The following ERLIN1 variants were observed in gnomAD, a reference collection of about 807,000 sequenced individuals.
The protein encoded by ERLIN1 is erlin-1.
A neutral mutation model predicts 46.9 loss-of-function variants in ERLIN1; 24 were observed. That is an observed-to-expected ratio of 0.51 (90% CI 0.37 to 0.72). The LOEUF is 0.72. Among genes scored for constraint, ERLIN1 ranks in the 30% least tolerant of loss-of-function variants. ERLIN1 has a pLI of 0.00. For synonymous variants in ERLIN1, 158 were observed against 143.2 expected (o/e 1.10, Z -0.74); for missense variants, 293 against 417.9 (o/e 0.70, Z 2.61).
chr10:100,169,957 G>T (rs985637034), intron 6 of ERLIN1, among the ~76,000 whole-genome samples: 3 of 152,164 alleles, frequency 2.0e-5, no homozygotes, highest in African/African-American at 7.2e-5. Context: ...GTTCAAGGCT[G>T]CAGTGACCTA....
intron 8 of ERLIN1, among the ~76,000 whole-genome samples, chr10:100,160,597 A>G (rs1335470634): frequency 6.6e-6 from 1 of 152,208 alleles, no homozygotes; most frequent in African/African-American, 2.4e-5. Flanking sequence ...ACAAAGATAA[A>G]TCTGTTAATA....
intron 10 of ERLIN1, 68 bp from the exon 11 acceptor site, chr10:100,152,420 A>G (rs879023911): frequency 3.3e-6 from 3 of 903,404 alleles, no homozygotes; most frequent in South Asian, 2.6e-5. Flanking sequence ...CTCTCCCTAT[A>G]TACATTTCAC....
chr10:100,181,955 G>A (rs1844676404), intron 2 of ERLIN1, among the ~76,000 whole-genome samples: 1 of 152,076 alleles, frequency 6.6e-6, no homozygotes, highest in Non-Finnish European at 1.5e-5. Flanking sequence ...AAGTATTTTA[G>A]TTTACACTGA....
intron 5 of ERLIN1, among the ~76,000 whole-genome samples, chr10:100,175,414 A>G (rs775068790): frequency 6.6e-6 from 1 of 152,182 alleles, no homozygotes; most frequent in South Asian, 2.1e-4. Flanking sequence ...TGAGTCTCCA[A>G]TGAGCTTCCC....
At chr10:100,179,826 T>C (rs1281357212) in intron 2 of ERLIN1, among the ~76,000 whole-genome samples, 1 of 152,178 alleles carries the variant, frequency 6.6e-6, no homozygotes, top group Non-Finnish European at 1.5e-5. Context: ...AGTAGAAAAC[T>C]CTTCCAGAGT....
chr10:100,185,866 C>T lies in ERLIN1; in HGVS notation c.-240G>A. 1.8e-6 allele frequency: 1 copy of T among 562,912 alleles called. No homozygotes were observed. The highest frequency in any genetic ancestry group is 3.2e-6 in the Non-Finnish European group (1 of 315,690). The allele number at this position is 562,912 out of a possible 1,614,324, so 34.9% of individuals were successfully genotyped here. On this transcript the variant is annotated 5_prime_UTR_variant, in exon 1 of 11. Transcript: ENST00000421367. ...CTGCTCGGTGAGCTTCCTGAAACTCCCTCTCCCAAGGGTCGCTCCCGGGTG... is the reference window on the plus strand; with the variant it reads ...CTGCTCGGTGAGCTTCCTGAAACTCTCTCTCCCAAGGGTCGCTCCCGGGTG...
intron 10 of ERLIN1, among the ~76,000 whole-genome samples, chr10:100,153,905 AT>A (rs1842933014): frequency 6.6e-6 from 1 of 152,088 alleles, no homozygotes; most frequent in Non-Finnish European, 1.5e-5. Context: ...TGTTATGTTC[AT>A]TTTAAAATTT....
chr10:100,152,288 A>G lies in ERLIN1; in HGVS notation c.890T>C (p.Ile297Thr). The G allele has an allele frequency of 6.2e-7, 1 of 1,613,688 alleles. No homozygotes were observed. The highest frequency in any genetic ancestry group is 8.5e-7 in the Non-Finnish European group (1 of 1,179,580). Reference sequence around the variant, plus strand: ...GTTAGGGATGTTGCTGCCAAAATAGATCTTACTGTTAGAAGCAATGGCCTG... The same window carrying G: ...GTTAGGGATGTTGCTGCCAAAATAGGTCTTACTGTTAGAAGCAATGGCCTG... ...KYQAIASNSK[I>T]YFGSNIPNMF... The change falls in exon 11 of 11, where the codon ATC (isoleucine) becomes ACC (threonine). Residue 297 changes from isoleucine to threonine, a missense_variant. Coordinates refer to ENST00000421367, the MANE Select transcript of ERLIN1 (RefSeq NM_006459.4).
At position 100,150,333 on chromosome 10, in the gene ERLIN1, C is replaced by T. The variant is rs1041744590; in HGVS notation, c.*1798G>A. On this transcript the variant is annotated 3_prime_UTR_variant, in exon 11 of 11. Transcript: ENST00000421367. ...CTCAGCCCCGCCTCCAGGGCCATCA[C>T]TTTGGGGCAACAGCTTTTGCTCATG... 2.6e-5 allele frequency: 4 copies of T among 152,612 alleles called. No individual in the cohort carries two copies. The highest frequency in any genetic ancestry group is 9.7e-5 in the African/African-American group (4 of 41,442). 9.5% of individuals were successfully genotyped at this position (152,612 alleles called of 1,614,324 possible).
chr10:100,164,077 T>C lies in ERLIN1; in HGVS notation c.582A>G (p.Lys194=). 1 of 1,612,630 alleles carries C rather than the reference T, an allele frequency of 6.2e-7. No homozygotes were observed. The highest frequency in any genetic ancestry group is 8.5e-7 in the Non-Finnish European group (1 of 1,179,120). The change falls in exon 8 of 11, where the codon AAA becomes AAG. Residue 194 remains lysine (K), a synonymous_variant. Coordinates refer to ENST00000421367, the MANE Select transcript of ERLIN1 (RefSeq NM_006459.4). ...NFELMEAEKT[K]LLIAAQKQKV... ...TTTGTTTCTGTGCAGCTATAAGGAG[T>C]TTTGTCTTCTCAGCCTCCCTGTGAA...
At chr10:100,183,568 CAAGT>C (rs1408399569) in intron 2 of ERLIN1, among the ~76,000 whole-genome samples, 184 bp downstream of exon 2, 3 of 152,174 alleles carry the variant, frequency 2.0e-5, no homozygotes, top group African/African-American at 7.2e-5. Context: ...TAATTCATTT[CAAGT>C]AAGTGAGGTG....
At position 100,151,764 on chromosome 10, in the gene ERLIN1, TTTC is replaced by T; in HGVS notation, c.*364_*366del. ...CTCTTGAATGGTGGCTGAGCATACA[TTTC>T]CCCGGGGGACGAATGTAAACATTAT... On this transcript the variant is annotated 3_prime_UTR_variant, in exon 11 of 11. Coordinates refer to ENST00000421367, the MANE Select transcript of ERLIN1 (RefSeq NM_006459.4). 3 of 327,390 alleles carry T rather than the reference TTTC, an allele frequency of 9.2e-6. No individual in the cohort carries two copies. Among genetic ancestry groups the T allele is most frequent in the East Asian group, 7.8e-5 (1 of 12,890 alleles). 20.3% of individuals were successfully genotyped at this position (327,390 alleles called of 1,614,324 possible).
intron 2 of ERLIN1, among the ~76,000 whole-genome samples, chr10:100,183,498 C>T (rs1232374486): frequency 6.6e-6 from 1 of 152,192 alleles, no homozygotes; most frequent in Admixed American, 6.5e-5. Context: ...AGAAAATTTG[C>T]TATATACCAC....
chr10:100,152,355 G>A lies in ERLIN1; in HGVS notation c.826-3C>T. The A allele has an allele frequency of 6.3e-6, 10 of 1,581,510 alleles. No individual in the cohort carries two copies. Among genetic ancestry groups the A allele is most frequent in the Non-Finnish European group, 5.2e-6 (6 of 1,149,814 alleles). ...AGATATTCCGGGGTCAACTTGTGCT[G>A]TGTGGGAGCAAACAAGAGCAAAGGC... is the stretch of plus-strand genomic sequence containing the variant. On this transcript the variant is annotated splice_region_variant and splice_polypyrimidine_tract_variant and intron_variant, in intron 10 of 10. Coordinates refer to ENST00000421367, the MANE Select transcript of ERLIN1 (RefSeq NM_006459.4).
intron 7 of ERLIN1, among the ~76,000 whole-genome samples, chr10:100,164,303 G>A (rs1465914654): frequency 6.6e-6 from 1 of 152,154 alleles, no homozygotes; most frequent in African/African-American, 2.4e-5. Flanking sequence ...GTCACCCAGA[G>A]ATAGGAAAAA....
At chr10:100,165,171 G>A (rs919239272) in intron 7 of ERLIN1, among the ~76,000 whole-genome samples, 3 of 152,148 alleles carry the variant, frequency 2.0e-5, no homozygotes, top group Non-Finnish European at 4.4e-5. Context: ...TCCCAAGGTA[G>A]CTTTTAATTC....
chr10:100,155,724 C>T (rs919868776), intron 9 of ERLIN1, among the ~76,000 whole-genome samples: 2 of 152,046 alleles, frequency 1.3e-5, no homozygotes, highest in Non-Finnish European at 2.9e-5. Context: ...CCGTTTTAGC[C>T]GGGATGGTCT....
rs538514386 is a variant in ERLIN1, at chr10:100,172,400, A to G, written c.504+1808T>C. 2.8e-4 allele frequency among the ~76,000 whole-genome samples: 43 copies of G among 152,308 alleles called. 1 individual carries two copies. The highest frequency in any genetic ancestry group is 1.2e-3 in the Admixed American group (18 of 15,300). On this transcript the variant is annotated intron_variant, in intron 6 of 10. Transcript: ENST00000421367. ...GGTGAATTTCATTTTATTCTTCATC[A>G]TTTTCCTAGTATCTAACTTTTTTCT...
chr10:100,185,565 A>G lies in ERLIN1; in HGVS notation c.62T>C (p.Leu21Pro). Reference sequence around the variant, plus strand: ...CTCAATCTTGTGGATGGAGGCGTAGAGCAGGACAGCCACCAACCCCACCAC... The same window carrying G: ...CTCAATCTTGTGGATGGAGGCGTAGGGCAGGACAGCCACCAACCCCACCAC... The part of the protein sequence containing the change: ...AAVVGLVAVL[L>P]YASIHKIEEG... The change falls in exon 1 of 11, where the codon CTC becomes CCC. Residue 21 changes from leucine (L) to proline (P), a missense_variant. This residue lies in a region of ERLIN1 where 76 missense variants were observed against 77.0 expected (regional missense o/e 0.99). Coordinates refer to ENST00000421367, the MANE Select transcript of ERLIN1 (RefSeq NM_006459.4). 1.9e-6 allele frequency: 3 copies of G among 1,614,032 alleles called. No individual in the cohort carries two copies. The highest frequency in any genetic ancestry group is 2.5e-6 in the Non-Finnish European group (3 of 1,179,890).
Sources: allele counts gnomAD v4.1 joint callset (sites outside exome capture counted in the v4.1 genomes callset), GRCh38; gene constraint gnomAD v4.1.1; regional missense constraint gnomAD v4.1.1; transcripts MANE v1.5; gene names NCBI Gene and HGNC (gene_info 2026-07-23, HGNC 2026-07-21).